The following RETREG3 variants were observed in gnomAD, a reference collection of about 807,000 sequenced individuals.
RETREG3 encodes the protein reticulophagy regulator 3.
A neutral mutation model predicts 50.2 loss-of-function variants in RETREG3; 23 were observed. That is an observed-to-expected ratio of 0.46 (90% CI 0.33 to 0.65). The LOEUF is 0.65. Ranked by LOEUF, RETREG3 falls within the 30% of genes least tolerant of loss-of-function variation. RETREG3 has a pLI of 0.02. For missense variants in RETREG3, 546 were observed against 598.0 expected, an observed-to-expected ratio of 0.91 and a Z score of 0.91; for synonymous variants, 240 against 234.4, an observed-to-expected ratio of 1.02 and a Z score of -0.22.
Position 42,609,149 on chromosome 17 carries a change from G to A in RETREG3, c.176C>T (p.Ala59Val). Reference sequence around the variant, plus strand: ...CCTAGCTGGCCGCTCCCACACCAGGGCTGCCTGCACCCGACTCAGCAGAGG... The same window carrying A: ...CCTAGCTGGCCGCTCCCACACCAGGACTGCCTGCACCCGACTCAGCAGAGG... The part of the protein sequence containing the change: ...YEPLLSRVQA[A>V]LVWERPARSA... The change falls in exon 1 of 9, where the codon GCC becomes GTC. Residue 59 changes from alanine (A) to valine (V), a missense_variant. Ala to Val is a moderately conservative substitution (Grantham distance 64). Transcript: ENST00000309428. 1 of 1,609,984 alleles carries A rather than the reference G, an allele frequency of 6.2e-7. No homozygotes were observed.
At position 42,609,335 on chromosome 17, in the gene RETREG3, C is replaced by T. The variant is rs148592159; in HGVS notation, c.-11G>A. The T allele has an allele frequency of 5.7e-6, 9 of 1,592,868 alleles. No individual in the cohort carries two copies. The highest frequency in any genetic ancestry group is 3.4e-5 in the Admixed American group (2 of 59,168). Reference sequence around the variant, plus strand: ...TTCGGCCTCAGCCATCTCCCCGCGGCAGCCACAACATCCGGGGCCGTGGCC... The same window carrying T: ...TTCGGCCTCAGCCATCTCCCCGCGGTAGCCACAACATCCGGGGCCGTGGCC... On this transcript the variant is annotated 5_prime_UTR_variant, in exon 1 of 9. Transcript: ENST00000309428.
At chr17:42,597,497 TTGTGTGTGTG>T (rs71157646) in intron 1 of RETREG3, among the ~76,000 whole-genome samples, 16 of 116,762 alleles carry the variant, frequency 1.4e-4, no homozygotes, top group Admixed American at 5.0e-4. Context: ...AGAATCTATT[TTGTGTGTGTG>T]TGTGTGTGTG....
chr17:42,587,097 A>G, intron 3 of RETREG3: 1 of 604,442 alleles, frequency 1.7e-6, no homozygotes, highest in Non-Finnish European at 2.8e-6. Context: ...TGTTCTGACA[A>G]CTCCACCCTA....
At chr17:42,602,330 T>G (rs1187724018) in intron 1 of RETREG3, among the ~76,000 whole-genome samples, 1 of 146,746 alleles carries the variant, frequency 6.8e-6, no homozygotes, top group Non-Finnish European at 1.5e-5. Flanking sequence ...AAAAAAAAAG[T>G]AAGAAAATAG....
At chr17:42,603,036 A>G (rs2093161355) in intron 1 of RETREG3, among the ~76,000 whole-genome samples, 1 of 151,412 alleles carries the variant, frequency 6.6e-6, no homozygotes. Context: ...AATTTTATAT[A>G]TCCATTGATT....
chr17:42,597,611 ATATATATATTTTTTTTTTTTT>A lies in RETREG3; in HGVS notation c.240-5470_240-5450del, dbSNP rs2093149549. ...TATATATATATATATATATATATAT[ATATATATATTTTTTTTTTTTT>A]TTTTTTTTTTTTTTTGAGACAGAGT... On this transcript the variant is annotated intron_variant, in intron 1 of 8. Transcript: ENST00000309428. Among the ~76,000 whole-genome samples the A allele has an allele frequency of 7.8e-4, 27 of 34,468 alleles. 1 individual carries two copies. Among genetic ancestry groups the A allele is most frequent in the African/African-American group, 4.1e-3 (25 of 6,086 alleles). The allele number at this position is 34,468 out of a possible 152,430, so 22.6% of individuals were successfully genotyped here.
intron 6 of RETREG3, 29 bp downstream of exon 6, chr17:42,585,092 CGTAA>C: frequency 6.2e-7 from 1 of 1,605,544 alleles, no homozygotes; most frequent in Non-Finnish European, 8.5e-7. Context: ...CCCCAAATTG[CGTAA>C]GTGGAAAGAA....
At chr17:42,587,919 A>C (rs2093124397) in intron 2 of RETREG3, 55 bp from the exon 3 acceptor site, 15 of 1,601,866 alleles carry the variant, frequency 9.4e-6, no homozygotes, top group Non-Finnish European at 1.3e-5. Flanking sequence ...TAAACATGAA[A>C]ATGTTAGGCT....
intron 2 of RETREG3, among the ~76,000 whole-genome samples, chr17:42,588,206 A>G (rs1219218322): frequency 1.3e-5 from 2 of 152,192 alleles, no homozygotes; most frequent in African/African-American, 4.8e-5. Flanking sequence ...AATCTGTGCC[A>G]GGCTACACAA....
rs968686054 is a variant in RETREG3 at position 42,583,584 on chromosome 17, T to A, written c.728-4A>T. 7 of 1,612,646 alleles carry A rather than the reference T, an allele frequency of 4.3e-6. No homozygotes were observed. The African/African-American group carries it at 9.3e-5, about 22-fold the overall frequency. ...GGGTGGAGAGCTCTGCGGCGTACTG[T>A]GGGAAGAGCACAAAGTCTTGCTTGA... On this transcript the variant is annotated splice_region_variant and splice_polypyrimidine_tract_variant and intron_variant, in intron 6 of 8. Transcript: ENST00000309428.
intron 3 of RETREG3, 67 bp downstream of exon 3, chr17:42,587,767 A>C: frequency 1.3e-6 from 2 of 1,575,388 alleles, no homozygotes; most frequent in Middle Eastern, 3.3e-4. Flanking sequence ...GGTTAACAAC[A>C]TGTAACCAGA....
intron 1 of RETREG3, among the ~76,000 whole-genome samples, chr17:42,607,767 T>C (rs1489979218): frequency 1.3e-5 from 2 of 148,202 alleles, no homozygotes; most frequent in Non-Finnish European, 3.0e-5. Flanking sequence ...GATCACGCCA[T>C]TGCACTCCAG....
chr17:42,585,423 G>A (rs954635139), intron 5 of RETREG3, among the ~76,000 whole-genome samples, 161 bp from the exon 6 acceptor site: 4 of 152,204 alleles, frequency 2.6e-5, no homozygotes. Context: ...TACACATGAA[G>A]GAGTCTTTGA....
At chr17:42,597,521 GTGTA>G (rs1271155911) in intron 1 of RETREG3, among the ~76,000 whole-genome samples, 257 of 65,242 alleles carry the variant, frequency 3.9e-3, no homozygotes, top group East Asian at 0.016. Context: ...GTGTGTGTGT[GTGTA>G]TATATATATA....
chr17:42,590,709 G>C (rs749461744), intron 2 of RETREG3, among the ~76,000 whole-genome samples: 1 of 152,108 alleles, frequency 6.6e-6, no homozygotes. Context: ...CCTCACGCCT[G>C]TAATCCCAGC....
chr17:42,594,062 G>A (rs1370705835), intron 1 of RETREG3, among the ~76,000 whole-genome samples: 1 of 152,172 alleles, frequency 6.6e-6, no homozygotes, highest in Non-Finnish European at 1.5e-5. Flanking sequence ...GCATGGTGGC[G>A]CGCTTGCGGT....
chr17:42,586,616 GA>G (rs1194975756), intron 4 of RETREG3, 148 bp downstream of exon 4: 3 of 1,139,638 alleles, frequency 2.6e-6, no homozygotes, highest in African/African-American at 1.6e-5. Flanking sequence ...TGGCTGGTCA[GA>G]AGGCCTTTCC....
upstream of RETREG3, chr17:42,609,423 C>A: frequency 7.3e-7 from 1 of 1,368,670 alleles, no homozygotes; most frequent in South Asian, 1.4e-5. Flanking sequence ...TGGCTTCGCA[C>A]CACAGCGCGC....
At chr17:42,598,478 G>A (rs2093152450) in intron 1 of RETREG3, among the ~76,000 whole-genome samples, 1 of 152,052 alleles carries the variant, frequency 6.6e-6, no homozygotes, top group African/African-American at 2.4e-5. Context: ...CGTCATAAAA[G>A]GGCCTTCATG....
Sources: gnomAD v4.1 joint callset for allele counts (sites outside exome capture counted in the v4.1 genomes callset) on GRCh38, gnomAD v4.1.1 for gene constraint, MANE v1.5 for transcripts, NCBI Gene and HGNC (gene_info 2026-07-23, HGNC 2026-07-21) for gene names.